CHODL: variants seen among roughly 807,000 people sequenced by gnomAD.
CHODL encodes transmembrane protein MT75.
A neutral mutation model predicts 34.5 loss-of-function variants in CHODL; 29 were observed. The observed-to-expected ratio is 0.84, with a 90% confidence interval of 0.63 to 1.15. The LOEUF (loss-of-function observed/expected upper bound fraction) is 1.15, where lower values mean the gene tolerates loss of function less well. Among genes scored for constraint, CHODL ranks in the 50% most tolerant of loss-of-function variants. CHODL has a pLI of 0.00. For missense variants in CHODL, 332 were observed against 332.5 expected, an observed-to-expected ratio of 1.00 and a Z score of 0.01; for synonymous variants, 125 against 116.1, an observed-to-expected ratio of 1.08 and a Z score of -0.49.
At chr21:17,925,144 T>C (rs912921768) in intron 1 of CHODL, among the ~76,000 whole-genome samples, 1 of 152,216 alleles carries the variant, frequency 6.6e-6, no homozygotes, top group Non-Finnish European at 1.5e-5. Context: ...GACACACCCC[T>C]GAGGAGAATC....
intron 2 of CHODL, among the ~76,000 whole-genome samples, chr21:18,051,737 C>T (rs145306815): frequency 9.5e-4 from 145 of 151,950 alleles, no homozygotes; most frequent in African/African-American, 2.9e-3. Context: ...AAAGACTTCC[C>T]GTTAACTACT....
chr21:17,943,644 T>G (rs1236069405), intron 1 of CHODL, among the ~76,000 whole-genome samples: 1 of 152,154 alleles, frequency 6.6e-6, no homozygotes, highest in African/African-American at 2.4e-5. Flanking sequence ...TGGAAACAAG[T>G]CTGAGACACC....
intron 2 of CHODL, among the ~76,000 whole-genome samples, chr21:18,190,626 C>T (rs2065638186): frequency 6.6e-6 from 1 of 152,088 alleles, no homozygotes; most frequent in South Asian, 2.1e-4. Flanking sequence ...GGTGAGAACC[C>T]ACTAATGGTA....
rs529954816 is a variant in CHODL at position 18,045,745 on chromosome 21, C to A, written c.-45+17774C>A. On this transcript the variant is annotated intron_variant, in intron 2 of 6. Coordinates refer to the CHODL transcript ENST00000400127. ...CTTTGGGAGGTAATTAGGTCAAGAGCACTTATGAATGAACTAGTAATCTTA... is the reference window on the plus strand; with the variant it reads ...CTTTGGGAGGTAATTAGGTCAAGAGAACTTATGAATGAACTAGTAATCTTA... 9.2e-5 allele frequency among the ~76,000 whole-genome samples: 14 copies of A among 151,996 alleles called. No individual in the cohort carries two copies. In the South Asian group the frequency reaches 2.9e-3, roughly 32 times the overall value.
intron 2 of CHODL, among the ~76,000 whole-genome samples, chr21:18,238,948 G>A (rs913223822): frequency 6.6e-6 from 1 of 152,024 alleles, no homozygotes; most frequent in Admixed American, 6.6e-5. Flanking sequence ...TGATAATTTT[G>A]TAGCTCTCTG....
intron 1 of CHODL, among the ~76,000 whole-genome samples, chr21:17,940,451 A>G (rs539483530): frequency 7.6e-4 from 116 of 152,344 alleles, no homozygotes; most frequent in African/African-American, 2.7e-3. Flanking sequence ...CAAAAAGAAC[A>G]GTTCAATTTA....
chr21:18,091,347 AGGTGGCAC>A (rs1230527279), intron 2 of CHODL, among the ~76,000 whole-genome samples: 1 of 152,196 alleles, frequency 6.6e-6, no homozygotes, highest in Non-Finnish European at 1.5e-5. Context: ...CAGTGAACTA[AGGTGGCAC>A]GTGACCTAGG....
chr21:18,255,507 C>A (rs2074304963), intron 1 of CHODL, among the ~76,000 whole-genome samples: 1 of 151,900 alleles, frequency 6.6e-6, no homozygotes. Flanking sequence ...TGTTTATTAC[C>A]TTAATTGTTT....
chr21:18,028,253 C>CTTTTCT (rs1336188197), intron 2 of CHODL, among the ~76,000 whole-genome samples: 1 of 67,604 alleles, frequency 1.5e-5, no homozygotes, highest in Non-Finnish European at 2.8e-5. Flanking sequence ...TCCCCTTTTC[C>CTTTTCT]TTTTCTTTTT....
chr21:17,995,661 A>C (rs775593575), intron 1 of CHODL, among the ~76,000 whole-genome samples: 1 of 152,208 alleles, frequency 6.6e-6, no homozygotes, highest in Non-Finnish European at 1.5e-5. Context: ...TCTCTTGTGC[A>C]GTTAGGTTCC....
chr21:18,201,467 A>C (rs1287552951), intron 2 of CHODL, among the ~76,000 whole-genome samples: 1 of 152,080 alleles, frequency 6.6e-6, no homozygotes, highest in Admixed American at 6.5e-5. Flanking sequence ...TTAATAACAA[A>C]AAAAAAAGAC....
At chr21:18,128,373 C>G (rs73200961) in intron 2 of CHODL, among the ~76,000 whole-genome samples, 10,001 of 101,760 alleles carry the variant, frequency 0.098, 386 homozygotes, top group Middle Eastern at 0.2. Context: ...AAACAAACTA[C>G]AAATAGAATA....
chr21:18,014,949 A>C (rs1003171748), intron 1 of CHODL, among the ~76,000 whole-genome samples: 1 of 152,228 alleles, frequency 6.6e-6, no homozygotes, highest in Non-Finnish European at 1.5e-5. Context: ...GAAAATATGG[A>C]AACAACTTTG....
intron 1 of CHODL, among the ~76,000 whole-genome samples, chr21:17,946,650 A>G (rs1437211516): frequency 7.8e-6 from 1 of 128,912 alleles, no homozygotes; most frequent in Non-Finnish European, 1.7e-5. Flanking sequence ...CTGCTTTATC[A>G]TTATGTAATG....
chr21:18,169,385 G>A (rs1358310036), intron 2 of CHODL, among the ~76,000 whole-genome samples: 1 of 150,686 alleles, frequency 6.6e-6, no homozygotes, highest in African/African-American at 2.4e-5. Flanking sequence ...AGTAATTTGA[G>A]TCTTCTCTTT....
chr21:18,149,229 A>G (rs1175088556), intron 2 of CHODL, among the ~76,000 whole-genome samples: 1 of 152,216 alleles, frequency 6.6e-6, no homozygotes, highest in Non-Finnish European at 1.5e-5. Context: ...CCATCTGACA[A>G]TAATTGGCAG....
intron 2 of CHODL, among the ~76,000 whole-genome samples, chr21:18,058,947 A>G (rs1377454592): frequency 1.3e-5 from 2 of 152,140 alleles, no homozygotes; most frequent in African/African-American, 2.4e-5. Flanking sequence ...TGCTTTAATT[A>G]GCGCCTATAT....
At chr21:18,028,245 C>T (rs57679017) in intron 2 of CHODL, among the ~76,000 whole-genome samples, 63,095 of 113,760 alleles carry the variant, frequency 0.55, 19,611 homozygotes, top group Middle Eastern at 0.68. Context: ...CTTCCCCTTC[C>T]CCTTTTCCTT....
intron 1 of CHODL, among the ~76,000 whole-genome samples, chr21:17,923,462 G>GTT (rs71318108): frequency 0.38 from 49,499 of 130,422 alleles, 9,758 homozygotes; most frequent in South Asian, 0.54. Flanking sequence ...TAATTCTTCA[G>GTT]TTTTTTTTTT....
Sources: gnomAD v4.1 joint callset for allele counts (sites outside exome capture counted in the v4.1 genomes callset) on GRCh38, gnomAD v4.1.1 for gene constraint, MANE v1.5 for transcripts, NCBI Gene and HGNC (gene_info 2026-07-23, HGNC 2026-07-21) for gene names.